The following MCTP2 variants were observed in gnomAD, a reference collection of about 807,000 sequenced individuals.
MCTP2 encodes multiple C2 and transmembrane domain-containing protein 2.
Under a neutral mutation model 111.6 loss-of-function variants are expected in MCTP2, and 132 were observed. The observed-to-expected ratio is 1.18, with a 90% CI of 1.03 to 1.37. MCTP2 has a LOEUF of 1.37. Ranked by LOEUF, MCTP2 falls within the 40% of genes most tolerant of loss-of-function variation. The pLI is 0.00. For missense variants in MCTP2, 1,183 were observed against 1,067.9 expected (o/e 1.11, Z -1.50); for synonymous variants, 395 against 387.7 (o/e 1.02, Z -0.22).
At chr15:94,452,126 T>C (rs1237294138) in intron 19 of MCTP2, among the ~76,000 whole-genome samples, 1 of 152,208 alleles carries the variant, frequency 6.6e-6, no homozygotes, top group African/African-American at 2.4e-5. Context: ...TGGTCTGCTG[T>C]ATATAACATC....
intron 21 of MCTP2, among the ~76,000 whole-genome samples, chr15:94,473,444 G>A (rs2074093070): frequency 6.6e-6 from 1 of 152,190 alleles, no homozygotes; most frequent in Non-Finnish European, 1.5e-5. Flanking sequence ...AGATTTTAAG[G>A]ATATCTGAAG....
intron 1 of MCTP2, among the ~76,000 whole-genome samples, chr15:94,294,546 G>A (rs1321119065): frequency 2.6e-5 from 4 of 152,142 alleles, no homozygotes; most frequent in Non-Finnish European, 5.9e-5. Flanking sequence ...CTGACTCCTG[G>A]CACAGGACAG....
intron 1 of MCTP2, among the ~76,000 whole-genome samples, chr15:94,282,001 T>C (rs2074512727): frequency 6.6e-6 from 1 of 152,218 alleles, no homozygotes; most frequent in South Asian, 2.1e-4. Flanking sequence ...TCAAAGAATC[T>C]GAAGACTCTA....
chr15:94,267,869 C>CTTTTTTTTTTTTTTT (rs755287019), intron 1 of MCTP2, among the ~76,000 whole-genome samples: 16,964 of 76,532 alleles, frequency 0.22, 4,086 homozygotes, highest in Non-Finnish European at 0.26. Context: ...CCTTTTCTTT[C>CTTTTTTTTTTTTTTT]TTTTTTTTTT....
intron 4 of MCTP2, among the ~76,000 whole-genome samples, chr15:94,329,277 A>G (rs1448543007): frequency 1.3e-5 from 2 of 152,168 alleles, no homozygotes; most frequent in East Asian, 3.8e-4. Flanking sequence ...AACTTTCCTC[A>G]TCCTTTAAAA....
At chr15:94,370,966 G>A (rs2079452815) in intron 12 of MCTP2, among the ~76,000 whole-genome samples, 1 of 151,910 alleles carries the variant, frequency 6.6e-6, no homozygotes, top group Admixed American at 6.6e-5. Context: ...TTAGAATGTG[G>A]GCTACTCTTT....
intron 1 of MCTP2, among the ~76,000 whole-genome samples, chr15:94,261,229 C>T (rs1451600125): frequency 6.6e-6 from 1 of 152,174 alleles, no homozygotes. Flanking sequence ...AAGTTGTACC[C>T]CCAACCCCCT....
In MCTP2 at chr15:94,440,163, G is replaced by A. The variant is rs774149580; in HGVS notation, c.2086-13G>A. The A allele has an allele frequency of 4.3e-6, 7 of 1,612,490 alleles. No individual in the cohort carries two copies. Among genetic ancestry groups the A allele is most frequent in the Non-Finnish European group, 2.5e-6 (3 of 1,179,158 alleles). On this transcript the variant is annotated splice_polypyrimidine_tract_variant and intron_variant, in intron 17 of 22. Coordinates refer to ENST00000357742, the MANE Select transcript of MCTP2 (RefSeq NM_001385001.1). The stretch of plus-strand genomic sequence containing the variant: ...ATCAAGCAGTCGTGTATTCTTATTT[G>A]TCTTTCAATCAGGTATTTTTGATCA...
rs190867661 is a variant in MCTP2, at chr15:94,408,086, G to C, written c.2085+6067G>C. ...ATTTATGTGTTAACTGTGTCTAAAA[G>C]ATTTACTTTAAGTTCTGTCACCAGT... On this transcript the variant is annotated intron_variant, in intron 17 of 22. Coordinates refer to ENST00000357742, the MANE Select transcript of MCTP2 (RefSeq NM_001385001.1). 1.3e-3 allele frequency among the ~76,000 whole-genome samples: 203 copies of C among 152,240 alleles called. 2 individuals are homozygous for C. Among genetic ancestry groups the C allele is most frequent in the Non-Finnish European group, 2.0e-3 (133 of 68,014 alleles).
At chr15:94,380,175 A>G (rs1472092903) in intron 12 of MCTP2, among the ~76,000 whole-genome samples, 4 of 152,080 alleles carry the variant, frequency 2.6e-5, no homozygotes, top group Admixed American at 2.6e-4. Context: ...AAGAGCATAC[A>G]TATATTGGGT....
chr15:94,367,111 G>A (rs758809259), intron 10 of MCTP2, among the ~76,000 whole-genome samples: 3 of 151,986 alleles, frequency 2.0e-5, no homozygotes, highest in African/African-American at 4.8e-5. Context: ...ATAAAAATTC[G>A]CCAGTTGGCA....
chr15:94,466,329 T>C (rs561749999), intron 20 of MCTP2, among the ~76,000 whole-genome samples: 57 of 152,200 alleles, frequency 3.7e-4, no homozygotes, highest in African/African-American at 1.2e-3. Flanking sequence ...TGGAGAGTAC[T>C]CAAACATCAT....
chr15:94,324,403 G>T (rs2076764070), intron 4 of MCTP2, among the ~76,000 whole-genome samples: 1 of 152,178 alleles, frequency 6.6e-6, no homozygotes, highest in Admixed American at 6.5e-5. Flanking sequence ...TGTTGCTGGT[G>T]CCCTCTTGTG....
intron 4 of MCTP2, among the ~76,000 whole-genome samples, chr15:94,318,249 T>C (rs962961558): frequency 2.6e-5 from 4 of 152,092 alleles, no homozygotes; most frequent in African/African-American, 9.7e-5. Flanking sequence ...GTTTTACATT[T>C]ATGGAATTTC....
chr15:94,326,815 C>A (rs2076898174), intron 4 of MCTP2, among the ~76,000 whole-genome samples: 1 of 51,988 alleles, frequency 1.9e-5, no homozygotes, highest in African/African-American at 7.2e-5. Flanking sequence ...TGATCCCCGC[C>A]CCACCCCCCC....
chr15:94,350,005 A>G (rs2078218561), intron 8 of MCTP2, among the ~76,000 whole-genome samples: 2 of 152,300 alleles, frequency 1.3e-5, no homozygotes, highest in South Asian at 4.2e-4. Flanking sequence ...ATGGTTAGAA[A>G]TCCAACTTCC....
chr15:94,466,203 G>A (rs2073277484), intron 20 of MCTP2, among the ~76,000 whole-genome samples: 1 of 151,964 alleles, frequency 6.6e-6, no homozygotes, highest in South Asian at 2.1e-4. Flanking sequence ...TATTGGATTA[G>A]ATTTCAATAT....
chr15:94,261,761 A>G (rs761138037), intron 1 of MCTP2, among the ~76,000 whole-genome samples: 5 of 152,326 alleles, frequency 3.3e-5, no homozygotes, highest in Non-Finnish European at 7.4e-5. Flanking sequence ...TTTTCTAACC[A>G]TGTATTAAGC....
chr15:94,319,005 A>G (rs971446553), intron 4 of MCTP2, among the ~76,000 whole-genome samples: 5 of 146,134 alleles, frequency 3.4e-5, no homozygotes, highest in Admixed American at 2.7e-4. Context: ...TTCAGTCCCC[A>G]TTTCTTTTGA....
Sources: allele counts gnomAD v4.1 joint callset (sites outside exome capture counted in the v4.1 genomes callset), GRCh38; gene constraint gnomAD v4.1.1; transcripts MANE v1.5; gene names NCBI Gene and HGNC (gene_info 2026-07-23, HGNC 2026-07-21).